The following MYH11 variants were observed in gnomAD, a reference collection of about 807,000 sequenced individuals.
MYH11 encodes myosin heavy chain 11.
MYH11 carries 80 observed loss-of-function variants against 246.6 expected under a neutral mutation model. That is an observed-to-expected ratio of 0.32 (90% CI 0.27 to 0.39). MYH11 has a LOEUF of 0.39. Among genes scored for constraint, MYH11 ranks in the 10% least tolerant of loss-of-function variants. The pLI is 1.00. For missense variants in MYH11, 2,158 were observed against 2,546.8 expected (o/e 0.85, Z 3.29); for synonymous variants, 1,071 against 1,015.5 (o/e 1.05, Z -1.04).
chr16:15,742,234 A>T (rs1365520382), intron 20 of MYH11: 3 of 411,596 alleles, frequency 7.3e-6, no homozygotes, highest in Non-Finnish European at 1.4e-5. Flanking sequence ...CATCTTCCCC[A>T]CTTTAGAACC....
At position 15,717,260 on chromosome 16, in the gene MYH11, T is replaced by C; in HGVS notation, c.5384A>G (p.Lys1795Arg). 6.2e-7 allele frequency: 1 copy of C among 1,614,118 alleles called. No individual in the cohort carries two copies. Among genetic ancestry groups the C allele is most frequent in the Non-Finnish European group, 8.5e-7 (1 of 1,180,036 alleles). ...SARQQLERQNKELRSKLHEME... is the reference protein window; with the variant it reads ...SARQQLERQNRELRSKLHEME... ...CTCGTGGAGCTTGCTCCGGAGCTCC[T>C]TGTTCTGCCGCTCGAGCTGCTGCCG... Residue 1795 changes from lysine (K) to arginine (R), a missense_variant, in exon 38 of 41, where the codon AAG (lysine) becomes AGG (arginine). By Grantham distance (26) the Lys-to-Arg change is conservative (BLOSUM62 2). This residue lies in a region of MYH11 where 1,013 missense variants were observed against 993.5 expected (regional missense o/e 1.02). Coordinates refer to ENST00000300036, the MANE Select transcript of MYH11 (RefSeq NM_002474.3).
intron 9 of MYH11, 134 bp downstream of exon 9, chr16:15,771,435 C>CTTT (rs200813930): frequency 2.7e-4 from 190 of 703,926 alleles, no homozygotes; most frequent in African/African-American, 9.9e-4. Context: ...CATTTTCCTC[C>CTTT]TTTTTTTTTT....
chr16:15,725,341 A>G (rs1215734353), intron 28 of MYH11: 2 of 560,768 alleles, frequency 3.6e-6, no homozygotes, highest in East Asian at 3.0e-5. Flanking sequence ...AGCAGGTCTG[A>G]GAGTCCAGAC....
chr16:15,705,850 G>A (rs904962021), intron 40 of MYH11, among the ~76,000 whole-genome samples: 1 of 151,740 alleles, frequency 6.6e-6, no homozygotes, highest in African/African-American at 2.4e-5. Flanking sequence ...GCGTGCTGGC[G>A]GGTGCCTGTA....
chr16:15,763,695 C>G, intron 10 of MYH11, 101 bp downstream of exon 10: 1 of 1,016,724 alleles, frequency 9.8e-7, no homozygotes, highest in Admixed American at 1.7e-5. Context: ...TTGTTAAAAT[C>G]CCAGATACCT....
chr16:15,795,735 G>T (rs2042729129), intron 4 of MYH11, among the ~76,000 whole-genome samples: 1 of 152,218 alleles, frequency 6.6e-6, no homozygotes, highest in Non-Finnish European at 1.5e-5. Context: ...TGCTCACCAT[G>T]GGGCAGTGGC....
intron 36 of MYH11, chr16:15,718,972 AT>A: frequency 2.0e-6 from 1 of 508,312 alleles, no homozygotes; most frequent in East Asian, 3.8e-5. Flanking sequence ...TACTAAAAAT[AT>A]AAAAATTAGC....
At chr16:15,809,114 TC>T (rs1267109761) in intron 3 of MYH11, among the ~76,000 whole-genome samples, 1 of 152,054 alleles carries the variant, frequency 6.6e-6, no homozygotes, top group Non-Finnish European at 1.5e-5. Flanking sequence ...CCTCCCAAGG[TC>T]CCCAGGGCTA....
At position 15,786,626 on chromosome 16, in the gene MYH11, T is replaced by C; in HGVS notation, c.633+4A>G. 1.9e-6 allele frequency: 3 copies of C among 1,613,716 alleles called. No homozygotes were observed. The highest frequency in any genetic ancestry group is 2.5e-6 in the Non-Finnish European group (3 of 1,179,686). ...ATGGCCTCTGATTGGGAACTGCCAC[T>C]CACCGTGATACTTGTGTCTTTCTTG... On this transcript the variant is annotated splice_donor_region_variant and intron_variant, in intron 5 of 40. Transcript: ENST00000300036.
intron 8 of MYH11, among the ~76,000 whole-genome samples, 160 bp from the exon 9 acceptor site, chr16:15,771,872 C>G (rs1274728544): frequency 2.0e-5 from 3 of 152,082 alleles, no homozygotes; most frequent in African/African-American, 7.2e-5. Context: ...GACAGCCTCA[C>G]CAACCACTGC....
chr16:15,788,075 A>ATTTTTTTTTTT (rs1555569323), intron 4 of MYH11, among the ~76,000 whole-genome samples: 2 of 42,722 alleles, frequency 4.7e-5, no homozygotes, highest in African/African-American at 2.6e-4. Context: ...ATGAAGGTAG[A>ATTTTTTTTTTT]TCTTTTTTTT....
At chr16:15,812,711 A>T (rs1032681506) in intron 3 of MYH11, among the ~76,000 whole-genome samples, 5 of 151,894 alleles carry the variant, frequency 3.3e-5, no homozygotes, top group Non-Finnish European at 2.9e-5. Context: ...CGTCTCCACA[A>T]AAAATACAAA....
intron 27 of MYH11, 179 bp downstream of exon 27, chr16:15,732,385 C>T (rs1306563949): frequency 5.4e-6 from 5 of 934,250 alleles, no homozygotes; most frequent in Non-Finnish European, 8.2e-6. Context: ...CAGGCGTGAG[C>T]CACCTCACCC....
chr16:15,728,898 TC>T (rs2040877262), intron 27 of MYH11, among the ~76,000 whole-genome samples: 1 of 150,576 alleles, frequency 6.6e-6, no homozygotes, highest in Non-Finnish European at 1.5e-5. Flanking sequence ...AGACTTTGTC[TC>T]AAAAAAAAAA....
At chr16:15,776,324 A>G (rs1025092387) in intron 7 of MYH11, 148 bp from the exon 8 acceptor site, 9 of 671,656 alleles carry the variant, frequency 1.3e-5, no homozygotes, top group African/African-American at 1.1e-4. Context: ...CATTGCCCCT[A>G]TGGACAAATG....
rs780870767 is a variant in MYH11 at position 15,717,222 on chromosome 16, C to T, written c.5422G>A (p.Val1808Ile). 24 of 1,614,052 alleles carry T rather than the reference C, an allele frequency of 1.5e-5. No individual in the cohort carries two copies. In the Admixed American group the frequency reaches 1.8e-4, roughly 12 times the overall value. The change falls in exon 38 of 41, where the codon GTC becomes ATC. Residue 1808 changes from valine to isoleucine, a missense_variant. Physicochemically the swap from Val to Ile is conservative, Grantham distance 29 (BLOSUM62 3). Around this residue, in one of 11 missense-constraint regions of MYH11, gnomAD observed 1,013 missense variants for 993.5 expected, o/e 1.02. Coordinates refer to ENST00000300036, the MANE Select transcript of MYH11 (RefSeq NM_002474.3). Reference sequence around the variant, plus strand: ...ATGGTGGACTTGAACTTGGACTTGACGGCCCCCTCCATCTCGTGGAGCTTG... The same window carrying T: ...ATGGTGGACTTGAACTTGGACTTGATGGCCCCCTCCATCTCGTGGAGCTTG... Reference protein sequence around the residue: ...RSKLHEMEGAVKSKFKSTIAA... With the variant: ...RSKLHEMEGAIKSKFKSTIAA...
At chr16:15,728,147 T>C (rs139995732) in intron 27 of MYH11, among the ~76,000 whole-genome samples, 1 of 152,250 alleles carries the variant, frequency 6.6e-6, no homozygotes, top group African/African-American at 2.4e-5. Flanking sequence ...AAGTATTGCT[T>C]GAACCTGGGA....
rs763988490 is a variant in MYH11 at position 15,750,987 on chromosome 16, T to C, written c.1865-656A>G. 2.6e-5 allele frequency among the ~76,000 whole-genome samples: 4 copies of C among 152,014 alleles called. No individual in the cohort carries two copies. The highest frequency in any genetic ancestry group is 5.9e-5 in the Non-Finnish European group (4 of 68,012). Reference sequence around the variant, plus strand: ...GGTGGTGGGCTCTGCTAAGTTGATATTTGAGCAGAAACCAGCAAGAAATGA... The same window carrying C: ...GGTGGTGGGCTCTGCTAAGTTGATACTTGAGCAGAAACCAGCAAGAAATGA... On this transcript the variant is annotated intron_variant, in intron 15 of 40. Coordinates refer to ENST00000300036, the MANE Select transcript of MYH11 (RefSeq NM_002474.3). The surrounding 1 kb of genome is among the most constrained non-coding windows in gnomAD (Gnocchi z 4.3).
intron 1 of MYH11, among the ~76,000 whole-genome samples, chr16:15,846,420 G>A (rs1414482870): frequency 2.0e-5 from 3 of 152,192 alleles, no homozygotes; most frequent in African/African-American, 4.8e-5. Context: ...TACGGTGATA[G>A]AACTCAGATA....
Sources: gnomAD v4.1 joint callset for allele counts (sites outside exome capture counted in the v4.1 genomes callset) on GRCh38, gnomAD v4.1.1 for gene constraint, gnomAD v4.1.1 regional missense constraint, Gnocchi (gnomAD v3.1) non-coding constraint, MANE v1.5 for transcripts, NCBI Gene and HGNC (gene_info 2026-07-23, HGNC 2026-07-21) for gene names.